The following CAPN6 variants were observed in gnomAD, a reference collection of about 807,000 sequenced individuals.
CAPN6 encodes calpain 6, also known as calpain-6.
CAPN6 carries 16 observed loss-of-function variants against 46.0 expected under a neutral mutation model. The ratio of observed to expected loss-of-function variants is 0.35; its 90% CI spans 0.24 to 0.53. The LOEUF (loss-of-function observed/expected upper bound fraction) is 0.53, where lower values mean the gene tolerates loss of function less well. CAPN6 is among the 20% of genes least tolerant of loss of function. CAPN6 has a pLI of 0.94. For missense variants in CAPN6, 461 were observed against 498.0 expected, an observed-to-expected ratio of 0.93 and a Z score of 0.71; for synonymous variants, 206 against 172.8, an observed-to-expected ratio of 1.19 and a Z score of -1.51.
chrX:111,251,809 A>C, intron 5 of CAPN6, 67 bp from the exon 6 acceptor site: 1 of 941,166 alleles, frequency 1.1e-6, no homozygotes. Context: ...CCTCTTCTTC[A>C]TTAATTGGCT....
In CAPN6 at chrX:111,246,595, A is replaced by G. The variant is rs1208259217; in HGVS notation, c.1908T>C (p.Asp636=). ...TGCAGATTTAGAGCTCAGTGAGATC[A>G]TCGCTGGAAATAACCTTGAAGCTGA... ...GHISFKVISS[D]DLTEL The change falls in exon 13 of 13, where the codon GAT becomes GAC. Residue 636 remains aspartate (D), a synonymous_variant. Coordinates refer to ENST00000324068, the MANE Select transcript of CAPN6 (RefSeq NM_014289.4). 8.3e-7 allele frequency: 1 copy of G among 1,208,933 alleles called. No individual in the cohort carries two copies. The highest frequency in any genetic ancestry group is 2.2e-5 in the Admixed American group (1 of 45,711).
chrX:111,249,090 A>G (rs1056819614), intron 8 of CAPN6, 33 bp from the exon 9 acceptor site: 5 of 1,194,253 alleles, frequency 4.2e-6, no homozygotes, highest in Admixed American at 4.4e-5. Context: ...GAGGTGAGTT[A>G]GCATTCCCAT....
intron 1 of CAPN6, among the ~76,000 whole-genome samples, chrX:111,264,884 A>G (rs754758402): frequency 2.7e-5 from 3 of 111,743 alleles, no homozygotes; most frequent in Non-Finnish European, 5.6e-5. Context: ...GGGTGATAAT[A>G]GGGTTTTCAG....
chrX:111,269,005 C>T (rs1461928323), intron 1 of CAPN6, among the ~76,000 whole-genome samples: 3 of 112,156 alleles, frequency 2.7e-5, no homozygotes, highest in Non-Finnish European at 5.6e-5. Context: ...CACAAGAATG[C>T]ACTTAGAAGT....
intron 2 of CAPN6, among the ~76,000 whole-genome samples, chrX:111,259,859 G>T (rs918018095): frequency 3.6e-5 from 4 of 111,712 alleles, no homozygotes; most frequent in Non-Finnish European, 5.6e-5. Flanking sequence ...TAGGAGGGGA[G>T]AGTGGCTGGA....
At chrX:111,263,979 A>G in intron 1 of CAPN6, 28 bp from the exon 2 acceptor site, 1 of 1,029,733 alleles carries the variant, frequency 9.7e-7, no homozygotes, top group Non-Finnish European at 1.3e-6. Flanking sequence ...TTTGTCTTTG[A>G]AGGAAGAATT....
intron 12 of CAPN6, among the ~76,000 whole-genome samples, chrX:111,247,088 C>A (rs1159008863): frequency 9.0e-6 from 1 of 111,480 alleles, no homozygotes; most frequent in Non-Finnish European, 1.9e-5. Context: ...CTGGCATAAG[C>A]TTTCCTCCAT....
chrX:111,251,194 G>A lies in CAPN6; in HGVS notation c.971+15C>T, dbSNP rs763592771. ...TAGAAGCCCCAATTCCCTTAGTGCA[G>A]AAACCCCTCCTCACCAAAACTCTCC... is the stretch of plus-strand genomic sequence containing the variant. On this transcript the variant is annotated intron_variant, in intron 7 of 12. Transcript: ENST00000324068. The A allele has an allele frequency of 8.3e-7, 1 of 1,208,004 alleles. No individual in the cohort carries two copies. Among genetic ancestry groups the A allele is most frequent in the Non-Finnish European group, 1.1e-6 (1 of 893,993 alleles).
At chrX:111,253,259 C>A (rs1156484009) in intron 3 of CAPN6, 43 bp from the exon 4 acceptor site, 1 of 1,034,098 alleles carries the variant, frequency 9.7e-7, no homozygotes, top group Non-Finnish European at 1.4e-6. Flanking sequence ...TTCACCAGAC[C>A]ACATCCAGAA....
chrX:111,248,692 C>T lies in CAPN6; in HGVS notation c.1361G>A (p.Arg454His), dbSNP rs2094976627. 9 of 1,210,139 alleles carry T rather than the reference C, an allele frequency of 7.4e-6. No homozygotes were observed. The highest frequency in any genetic ancestry group is 1.7e-5 in the African/African-American group (1 of 57,625). ...RAGTSTYIDT[R>H]TVFLSKYLKK... The stretch of plus-strand genomic sequence containing the variant: ...CAGGTACTTGCTCAGAAACACTGTG[C>T]GGGTGTCAATATAGGTGGAAGTCCC... Residue 454 changes from arginine to histidine, a missense_variant, in exon 10 of 13, where the codon CGC becomes CAC. Transcript: ENST00000324068.
Position 111,246,416 on chromosome X carries a change from C to T in CAPN6, c.*161G>A, listed in dbSNP as rs2094974554. 2 of 472,224 alleles carry T rather than the reference C, an allele frequency of 4.2e-6. No homozygotes were observed. Among genetic ancestry groups the T allele is most frequent in the East Asian group, 7.4e-5 (2 of 27,008 alleles). The allele number at this position is 472,224 out of a possible 1,213,427, so 38.9% of individuals were successfully genotyped here. On this transcript the variant is annotated 3_prime_UTR_variant, in exon 13 of 13. Transcript: ENST00000324068. ...TATATAGGTTATGTAGCTACAGATG[C>T]TACTTGGATTGGGAGGTATGGGGAA...
intron 1 of CAPN6, among the ~76,000 whole-genome samples, chrX:111,268,585 T>C (rs1228545430): frequency 8.9e-6 from 1 of 112,837 alleles, no homozygotes; most frequent in Admixed American, 9.3e-5. Context: ...TCATGTGCTT[T>C]AAATAAGACA....
chrX:111,248,670 G>A lies in CAPN6; in HGVS notation c.1383C>T (p.Tyr461=), dbSNP rs1569480714. ...CAAGCACATAGTTGCCCTTCTTCAG[G>A]TACTTGCTCAGAAACACTGTGCGGG... The part of the protein sequence containing the change: ...IDTRTVFLSK[Y]LKKGNYVLVP... The change falls in exon 10 of 13, where the codon TAC becomes TAT. Residue 461 remains tyrosine (Y), a synonymous_variant. Transcript: ENST00000324068. 2 of 1,209,740 alleles carry A rather than the reference G, an allele frequency of 1.7e-6. No individual in the cohort carries two copies. Among genetic ancestry groups the A allele is most frequent in the Non-Finnish European group, 2.2e-6 (2 of 894,354 alleles).
rs775925157 is a variant in CAPN6, at chrX:111,263,812, T to C, written c.125A>G (p.Asn42Ser). The C allele has an allele frequency of 2.2e-5, 27 of 1,208,008 alleles. No individual in the cohort carries two copies. Among genetic ancestry groups the C allele is most frequent in the Non-Finnish European group, 3.0e-5 (27 of 894,257 alleles). Reference protein sequence around the residue: ...FLPENDSLFYNRLLPGKVVWK... With the variant: ...FLPENDSLFYSRLLPGKVVWK... ...CACCACCTTTCCAGGAAGCAGTCGG[T>C]TGTAGAAAAGAGAATCATTCTCAGG... The change falls in exon 2 of 13, where the codon AAC becomes AGC. Residue 42 changes from asparagine to serine, a missense_variant. Transcript: ENST00000324068.
chrX:111,258,625 A>C (rs1347439515), intron 2 of CAPN6, among the ~76,000 whole-genome samples: 1 of 111,705 alleles, frequency 9.0e-6, no homozygotes, highest in East Asian at 2.8e-4. Context: ...ATTCTGCATG[A>C]AGATTTTATT....
intron 1 of CAPN6, among the ~76,000 whole-genome samples, chrX:111,265,520 T>C (rs756611358): frequency 2.2e-3 from 252 of 112,177 alleles, no homozygotes; most frequent in Non-Finnish European, 3.2e-3. Context: ...TGTACTTCAT[T>C]GTATTTGAAA....
rs1371074249 is a variant in CAPN6, at chrX:111,245,908, C to T, written c.*669G>A. On this transcript the variant is annotated 3_prime_UTR_variant, in exon 13 of 13. Transcript: ENST00000324068. ...CAGGCCCCTCTCACTGTCTAGGACT[C>T]ATTGAACTCCAGCTCTTGATTAAGC... 2 of 112,963 alleles carry T rather than the reference C, an allele frequency of 1.8e-5. No individual in the cohort carries two copies. Among genetic ancestry groups the T allele is most frequent in the African/African-American group, 6.5e-5 (2 of 30,777 alleles). 9.3% of individuals were successfully genotyped at this position (112,963 alleles called of 1,213,427 possible).
At chrX:111,257,486 T>C (rs1252100641) in intron 2 of CAPN6, among the ~76,000 whole-genome samples, 2 of 112,270 alleles carry the variant, frequency 1.8e-5, no homozygotes, top group Non-Finnish European at 3.8e-5. Flanking sequence ...TCTGCCTCTT[T>C]AAGGAAGTGA....
chrX:111,256,816 T>C (rs1289329728), intron 2 of CAPN6, among the ~76,000 whole-genome samples: 2 of 103,734 alleles, frequency 1.9e-5, no homozygotes, highest in Non-Finnish European at 3.8e-5. Context: ...AAAAGCTGTG[T>C]GAAATTCATG....
Sources: gnomAD v4.1 joint callset for allele counts (sites outside exome capture counted in the v4.1 genomes callset) on GRCh38, gnomAD v4.1.1 for gene constraint, MANE v1.5 for transcripts, NCBI Gene and HGNC (gene_info 2026-07-23, HGNC 2026-07-21) for gene names.